FBXO21: variants seen among roughly 807,000 people sequenced by gnomAD.
The protein encoded by FBXO21 is F-box only protein 21.
Under a neutral mutation model 76.6 loss-of-function variants are expected in FBXO21, and 32 were observed. That is an observed-to-expected ratio of 0.42 (90% CI 0.32 to 0.56). The LOEUF (loss-of-function observed/expected upper bound fraction) is 0.56. Among genes scored for constraint, FBXO21 ranks in the 20% least tolerant of loss-of-function variants. The pLI, the probability that FBXO21 is intolerant of heterozygous loss-of-function variation, is 0.16. For missense variants in FBXO21, 586 were observed against 797.3 expected (o/e 0.73, Z 3.19); for synonymous variants, 328 against 311.5 (o/e 1.05, Z -0.56).
chr12:117,163,967 C>A (rs958977627), intron 9 of FBXO21, among the ~76,000 whole-genome samples: 1 of 151,340 alleles, frequency 6.6e-6, no homozygotes. Flanking sequence ...AAAAAAACCC[C>A]AAATAAATAA....
chr12:117,165,610 T>C lies in FBXO21; in HGVS notation c.1201A>G (p.Ile401Val). Residue 401 changes from isoleucine (I) to valine (V), a missense_variant, in exon 9 of 12, where the codon ATC (isoleucine) becomes GTC (valine). Physicochemically the swap from Ile to Val is conservative, Grantham distance 29. Around this residue, in one of 6 missense-constraint regions of FBXO21, gnomAD observed 9 missense variants for 40.6 expected, o/e 0.22. Coordinates refer to ENST00000622495, the MANE Select transcript of FBXO21 (RefSeq NM_015002.3). ...CTCAGGAGCTGGTATGACTGGTCGA[T>C]GCCTTCCCTAGCAGAGGAAAAACAA... ...NLLSLGKREG[I>V]DQSYQLLRDS... 6.2e-7 allele frequency: 1 copy of C among 1,608,002 alleles called. No individual in the cohort carries two copies. The highest frequency in any genetic ancestry group is 1.3e-5 in the African/African-American group (1 of 74,956).
At chr12:117,186,062 A>C (rs763587339) in intron 3 of FBXO21, among the ~76,000 whole-genome samples, 1 of 152,094 alleles carries the variant, frequency 6.6e-6, no homozygotes, top group Non-Finnish European at 1.5e-5. Flanking sequence ...TTTTAAGTAG[A>C]GATGGGGTTT....
At chr12:117,149,496 G>T (rs539984167) in intron 11 of FBXO21, among the ~76,000 whole-genome samples, 1 of 152,360 alleles carries the variant, frequency 6.6e-6, no homozygotes, top group East Asian at 1.9e-4. Context: ...TTCGTCTGGA[G>T]CAGTTCTCAT....
At chr12:117,149,876 C>T (rs761919126) in intron 11 of FBXO21, among the ~76,000 whole-genome samples, 1 of 152,188 alleles carries the variant, frequency 6.6e-6, no homozygotes, top group Non-Finnish European at 1.5e-5. Context: ...GACCCAACAG[C>T]TACTACACAG....
At chr12:117,187,953 G>A (rs1271465870) in intron 2 of FBXO21, among the ~76,000 whole-genome samples, 1 of 152,164 alleles carries the variant, frequency 6.6e-6, no homozygotes, top group Non-Finnish European at 1.5e-5. Context: ...TTACACTAAG[G>A]AATGTCTATT....
rs1318985546 is a variant in FBXO21 at position 117,174,697 on chromosome 12, G to C, written c.693C>G (p.Thr231=). 1 of 1,614,128 alleles carries C rather than the reference G, an allele frequency of 6.2e-7. No individual in the cohort carries two copies. The highest frequency in any genetic ancestry group is 8.5e-7 in the Non-Finnish European group (1 of 1,180,028). The stretch of plus-strand genomic sequence containing the variant: ...GGTGGCGACTGTTTATGCCCCGAAG[G>C]GTTTTGCAAACAAGCTCCACGATGC... ...IDSIVELVCK[T]LRGINSRHPS... Residue 231 remains threonine (T), a synonymous_variant, in exon 5 of 12, where the codon ACC becomes ACG. Coordinates refer to ENST00000622495, the MANE Select transcript of FBXO21 (RefSeq NM_015002.3).
At chr12:117,147,479 A>G (rs1454059307) in intron 11 of FBXO21, among the ~76,000 whole-genome samples, 4 of 148,702 alleles carry the variant, frequency 2.7e-5, no homozygotes, top group Non-Finnish European at 5.9e-5. Context: ...GGCGTCTGTA[A>G]TCCCAGTTAC....
chr12:117,150,320 A>T (rs1047687920), intron 11 of FBXO21, among the ~76,000 whole-genome samples: 10 of 152,178 alleles, frequency 6.6e-5, no homozygotes, highest in African/African-American at 2.2e-4. Flanking sequence ...ACGTTCAGCT[A>T]CCCCAAAATA....
rs201171877 is a variant in FBXO21 at position 117,174,800 on chromosome 12, G to A, written c.593-3C>T. ...GTACTGGTCAATATATACAGCACCT[G>A]AAAATGAACAAGAATTACCGAATAA... On this transcript the variant is annotated splice_polypyrimidine_tract_variant and splice_region_variant and intron_variant, in intron 4 of 11. Transcript: ENST00000622495. 15 of 1,608,318 alleles carry A rather than the reference G, an allele frequency of 9.3e-6. No homozygotes were observed. The highest frequency in any genetic ancestry group is 8.5e-6 in the Non-Finnish European group (10 of 1,177,478).
intron 2 of FBXO21, among the ~76,000 whole-genome samples, chr12:117,187,078 T>C (rs2135889399): frequency 6.6e-6 from 1 of 151,248 alleles, no homozygotes; most frequent in South Asian, 2.1e-4. Context: ...ATTGCGCCAT[T>C]GCACTCCAGC....
rs138738080 is a variant in FBXO21, at chr12:117,189,254, C to G, written c.348G>C (p.Ser116=). 24 of 1,614,170 alleles carry G rather than the reference C, an allele frequency of 1.5e-5. No individual in the cohort carries two copies. In the African/African-American group the frequency reaches 2.9e-4, roughly 20 times the overall value. ...AGLEARKIVA[S]FSKRFFSEHV... The stretch of plus-strand genomic sequence containing the variant: ...GCTCTGAAAAGAACCTCTTTGAGAA[C>G]GAGGCTACAATCTTCCGCGCTTCTA... Residue 116 remains serine (S), a synonymous_variant, in exon 2 of 12, where the codon TCG becomes TCC. Transcript: ENST00000622495.
At chr12:117,155,696 C>G in intron 11 of FBXO21, 95 bp downstream of exon 11, 2 of 1,373,692 alleles carry the variant, frequency 1.5e-6, no homozygotes, top group Admixed American at 2.2e-5. Context: ...CTGAAGGAAC[C>G]GATGGCCCAC....
In FBXO21 at chr12:117,167,894, G is replaced by A. The variant is rs573607660; in HGVS notation, c.1014-817C>T. ...CTAGAGCACAGAGAGCTGTGCCCCT[G>A]GCCTTGATCACACAGCTCTTCTTGC... On this transcript the variant is annotated intron_variant, in intron 7 of 11. Transcript: ENST00000622495. Among the ~76,000 whole-genome samples the A allele has an allele frequency of 7.9e-5, 12 of 152,304 alleles. No individual in the cohort carries two copies. In the South Asian group the frequency reaches 2.3e-3, roughly 29 times the overall value.
chr12:117,166,452 G>A (rs911516470), intron 8 of FBXO21, among the ~76,000 whole-genome samples: 9 of 152,180 alleles, frequency 5.9e-5, no homozygotes, highest in Middle Eastern at 3.4e-3. Context: ...GGGAGGATAT[G>A]GGAACTCTCT....
chr12:117,166,619 A>G lies in FBXO21; in HGVS notation c.1193+279T>C, dbSNP rs1267303879. Among the ~76,000 whole-genome samples the G allele has an allele frequency of 2.0e-5, 3 of 152,248 alleles. No homozygotes were observed. In the East Asian group the frequency reaches 5.8e-4, roughly 29 times the overall value. On this transcript the variant is annotated intron_variant, in intron 8 of 11. Coordinates refer to ENST00000622495, the MANE Select transcript of FBXO21 (RefSeq NM_015002.3). ...ACAAATTTTCTTGGACTTAGAAACAAGACAGTTTCATATTTTTGTTTTCTT... is the reference window on the plus strand; with the variant it reads ...ACAAATTTTCTTGGACTTAGAAACAGGACAGTTTCATATTTTTGTTTTCTT...
Position 117,155,848 on chromosome 12 carries a change from G to T in FBXO21, c.1618C>A (p.His540Asn). ...ACCAGCACGTTATAGAAAGGCTGGT[G>T]GTGGCCGTGCGGCAGGCTGTGGACG... ...MNVHSLPHGH[H>N]QPFYNVLVED... Residue 540 changes from histidine (H) to asparagine (N), a missense_variant, in exon 11 of 12, where the codon CAC (histidine) becomes AAC (asparagine). By Grantham distance (68) the His-to-Asn change is moderately conservative. Coordinates refer to ENST00000622495, the MANE Select transcript of FBXO21 (RefSeq NM_015002.3). 6.2e-7 allele frequency: 1 copy of T among 1,614,216 alleles called. No homozygotes were observed. The highest frequency in any genetic ancestry group is 8.5e-7 in the Non-Finnish European group (1 of 1,180,020).
chr12:117,143,101 G>A lies in FBXO21; in HGVS notation c.*2986C>T, dbSNP rs752513036. 16 of 152,184 alleles carry A rather than the reference G, an allele frequency of 1.1e-4. No homozygotes were observed. The highest frequency in any genetic ancestry group is 2.1e-4 in the Non-Finnish European group (14 of 68,034). The allele number at this position is 152,184 out of a possible 1,614,324, so 9.4% of individuals were successfully genotyped here. A position where few individuals can be genotyped will look rare whatever the true frequency, so the allele number is the denominator to read the frequency against. ...GATAATGTTTGCAAACATGACGCCT[G>A]GCAAAACCGGTCTGATTCTAAGGTA... On this transcript the variant is annotated 3_prime_UTR_variant, in exon 12 of 12. Coordinates refer to ENST00000622495, the MANE Select transcript of FBXO21 (RefSeq NM_015002.3).
chr12:117,165,406 A>G, intron 9 of FBXO21, 79 bp downstream of exon 9: 1 of 1,384,060 alleles, frequency 7.2e-7, no homozygotes, highest in Non-Finnish European at 9.9e-7. Context: ...TAACACAAAG[A>G]TAAGCTTGTC....
chr12:117,189,305 C>T lies in FBXO21; in HGVS notation c.297G>A (p.Glu99=), dbSNP rs772916919. 20 of 1,614,210 alleles carry T rather than the reference C, an allele frequency of 1.2e-5. No homozygotes were observed. The South Asian group carries it at 1.4e-4, about 12-fold the overall frequency. Residue 99 remains glutamate (E), a synonymous_variant, in exon 2 of 12, where the codon GAG becomes GAA. Transcript: ENST00000622495. The stretch of plus-strand genomic sequence containing the variant: ...ACCCAGCTTTTTGCCGAACTTTATA[C>T]TCTTCCAACCAATTGACGTAGTCGG... ...SPTDYVNWLE[E]YKVRQKAGLE... is the part of the protein sequence containing the mutation.
Sources: gnomAD v4.1 joint callset for allele counts (sites outside exome capture counted in the v4.1 genomes callset) on GRCh38, gnomAD v4.1.1 for gene constraint, gnomAD v4.1.1 regional missense constraint, MANE v1.5 for transcripts, NCBI Gene and HGNC (gene_info 2026-07-23, HGNC 2026-07-21) for gene names.